The following ZC3H12B variants were observed in gnomAD, a reference collection of about 807,000 sequenced individuals.
ZC3H12B encodes the protein zinc finger CCCH-type containing 12B.
ZC3H12B carries 7 observed loss-of-function variants against 43.9 expected under a neutral mutation model. That is an observed-to-expected ratio of 0.16 (90% CI 0.09 to 0.30). The LOEUF (loss-of-function observed/expected upper bound fraction) is 0.30. Ranked by LOEUF, ZC3H12B falls within the 10% of genes least tolerant of loss-of-function variation. The pLI is 1.00. For missense variants in ZC3H12B, 475 were observed against 670.2 expected (o/e 0.71, Z 3.22); for synonymous variants, 222 against 241.7 (o/e 0.92, Z 0.76).
chrX:65,317,254 T>G, the ZC3H12B span, among the ~76,000 whole-genome samples: 2 of 85,400 alleles, frequency 2.3e-5, no homozygotes, highest in African/African-American at 2.4e-4. Context: ...CCTCAACCAA[T>G]TAAAAAAAAA....
At chrX:65,480,667 C>T (rs1424117731) in intron 3 of ZC3H12B, among the ~76,000 whole-genome samples, 1 of 110,647 alleles carries the variant, frequency 9.0e-6, no homozygotes, top group Admixed American at 9.6e-5. Flanking sequence ...ACCAACATGG[C>T]GAAACTGCAT....
At chrX:65,174,513 A>T in the ZC3H12B span, among the ~76,000 whole-genome samples, 1 of 111,237 alleles carries the variant, frequency 9.0e-6, no homozygotes, top group Non-Finnish European at 1.9e-5. Context: ...TCCCAGGGAG[A>T]TGGGAGTTTT....
the ZC3H12B span, among the ~76,000 whole-genome samples, chrX:65,250,878 T>G: frequency 2.7e-5 from 3 of 111,820 alleles, no homozygotes; most frequent in South Asian, 7.5e-4. Context: ...TTTCTCCCAT[T>G]CTGTAGGTTG....
the ZC3H12B span, among the ~76,000 whole-genome samples, chrX:65,327,419 C>T: frequency 1.8e-5 from 2 of 111,285 alleles, no homozygotes; most frequent in Non-Finnish European, 3.8e-5. Context: ...GGTATACATA[C>T]ATTGTGTCTA....
At chrX:65,450,748 C>A (rs1417529009) in intron 3 of ZC3H12B, among the ~76,000 whole-genome samples, 2 of 39,682 alleles carry the variant, frequency 5.0e-5, no homozygotes, top group South Asian at 2.6e-3. Flanking sequence ...TATATATATA[C>A]ATATGTGTAT....
chrX:65,252,541 T>G, the ZC3H12B span, among the ~76,000 whole-genome samples: 1 of 111,702 alleles, frequency 9.0e-6, no homozygotes, highest in Admixed American at 9.5e-5. Flanking sequence ...CACAGAAAAC[T>G]TAAGGGAATT....
chrX:65,304,265 G>A, the ZC3H12B span, among the ~76,000 whole-genome samples: 1 of 111,623 alleles, frequency 9.0e-6, no homozygotes, highest in Admixed American at 9.5e-5. Context: ...CATGGAGAAA[G>A]TATAGTTTCT....
intron 3 of ZC3H12B, among the ~76,000 whole-genome samples, chrX:65,474,875 G>T (rs111244488): frequency 0.13 from 14,972 of 112,041 alleles, 2,381 homozygotes; most frequent in African/African-American, 0.45. Flanking sequence ...CCAAAATGCT[G>T]GGATTACAGG....
At chrX:65,178,455 C>T in the ZC3H12B span, among the ~76,000 whole-genome samples, 3 of 112,388 alleles carry the variant, frequency 2.7e-5, no homozygotes, top group Non-Finnish European at 3.8e-5. Flanking sequence ...GCAAAACAAA[C>T]TATCATCAGA....
chrX:65,440,271 G>A (rs1240265605), intron 3 of ZC3H12B, among the ~76,000 whole-genome samples: 2 of 112,276 alleles, frequency 1.8e-5, no homozygotes, highest in East Asian at 5.6e-4. Flanking sequence ...TGTGAGTGAT[G>A]TAAAAAGGGT....
At chrX:65,163,556 G>C in the ZC3H12B span, among the ~76,000 whole-genome samples, 1 of 111,580 alleles carries the variant, frequency 9.0e-6, no homozygotes, top group Non-Finnish European at 1.9e-5. Flanking sequence ...GACTCCGTGG[G>C]CGTAGGACCC....
intron 3 of ZC3H12B, among the ~76,000 whole-genome samples, chrX:65,472,647 A>C (rs1280264440): frequency 9.3e-6 from 1 of 107,255 alleles, no homozygotes. Flanking sequence ...GTGGATATTC[A>C]GTTTTCCCAT....
At chrX:65,429,164 C>T (rs1211273134) in intron 3 of ZC3H12B, among the ~76,000 whole-genome samples, 1 of 112,364 alleles carries the variant, frequency 8.9e-6, no homozygotes, top group Admixed American at 9.4e-5. Flanking sequence ...GCCCTATTGC[C>T]AGCCTGAACA....
the ZC3H12B span, among the ~76,000 whole-genome samples, chrX:65,126,522 G>A: frequency 9.0e-6 from 1 of 110,923 alleles, no homozygotes; most frequent in African/African-American, 3.3e-5. Flanking sequence ...CTTGTATTTG[G>A]ATGTCTAGAT....
chrX:65,117,583 A>C, the ZC3H12B span, among the ~76,000 whole-genome samples: 1 of 111,475 alleles, frequency 9.0e-6, no homozygotes, highest in Non-Finnish European at 1.9e-5. Context: ...CCATGTGTCA[A>C]TTTTGTCTTT....
At chrX:65,390,471 A>G (rs1329780128) in intron 2 of ZC3H12B, among the ~76,000 whole-genome samples, 1 of 111,766 alleles carries the variant, frequency 8.9e-6, no homozygotes, top group African/African-American at 3.3e-5. Flanking sequence ...ACTTATAGGA[A>G]GAGGCAATGA....
intron 3 of ZC3H12B, among the ~76,000 whole-genome samples, chrX:65,444,153 GT>G (rs1246909156): frequency 8.9e-6 from 1 of 112,091 alleles, no homozygotes; most frequent in East Asian, 2.8e-4. Flanking sequence ...TTTGCTTTCT[GT>G]TTTTGTGTAT....
the ZC3H12B span, among the ~76,000 whole-genome samples, chrX:65,211,940 T>G: frequency 2.7e-5 from 2 of 72,804 alleles, no homozygotes. Flanking sequence ...ATATATGTTA[T>G]GTATACTATA....
chrX:65,092,319 G>A, the ZC3H12B span, among the ~76,000 whole-genome samples: 1 of 111,941 alleles, frequency 8.9e-6, no homozygotes, highest in Non-Finnish European at 1.9e-5. Context: ...GCACAGAGAA[G>A]TGGGGCATTG....
Sources: gnomAD v4.1 joint callset for allele counts (sites outside exome capture counted in the v4.1 genomes callset) on GRCh38, gnomAD v4.1.1 for gene constraint, MANE v1.5 for transcripts, NCBI Gene and HGNC (gene_info 2026-07-23, HGNC 2026-07-21) for gene names.